Variants in NAALADL2 observed in about 807,000 individuals in gnomAD.
NAALADL2 encodes inactive N-acetylated-alpha-linked acidic dipeptidase-like protein 2.
A neutral mutation model predicts 87.2 loss-of-function variants in NAALADL2; 76 were observed. That is an observed-to-expected ratio of 0.87 (90% CI 0.72 to 1.05). NAALADL2 has a LOEUF of 1.05. Ranked by LOEUF, NAALADL2 falls within the 50% of genes least tolerant of loss-of-function variation. The probability of loss-of-function intolerance (pLI) is 0.00; values close to 1 mark genes in which losing one functional copy is unlikely to be tolerated. For missense variants in NAALADL2, 1,089 were observed against 945.8 expected, an observed-to-expected ratio of 1.15 and a Z score of -1.99; for synonymous variants, 354 against 331.0, an observed-to-expected ratio of 1.07 and a Z score of -0.75.
intron 3 of NAALADL2, among the ~76,000 whole-genome samples, chr3:174,741,570 G>A (rs1733763708): frequency 6.6e-6 from 1 of 151,332 alleles, no homozygotes; most frequent in Admixed American, 6.6e-5. Flanking sequence ...GGACAAGCTT[G>A]TAGCGGTTTT....
intron 3 of NAALADL2, among the ~76,000 whole-genome samples, chr3:174,845,887 G>A (rs1318939214): frequency 6.6e-6 from 1 of 152,178 alleles, no homozygotes; most frequent in Admixed American, 6.5e-5. Flanking sequence ...AGGAATGGAC[G>A]AGGTTGGTGG....
intron 1 of NAALADL2, among the ~76,000 whole-genome samples, chr3:175,046,741 G>T (rs1247673985): frequency 6.6e-6 from 1 of 152,162 alleles, no homozygotes; most frequent in African/African-American, 2.4e-5. Flanking sequence ...AAGAACAACA[G>T]CCAGCTTTGT....
chr3:174,989,721 C>T (rs565402956), intron 1 of NAALADL2, among the ~76,000 whole-genome samples: 2 of 152,146 alleles, frequency 1.3e-5, no homozygotes, highest in African/African-American at 4.8e-5. Context: ...CTGAAAGAGG[C>T]AGTGCAGTAA....
intron 1 of NAALADL2, among the ~76,000 whole-genome samples, chr3:174,956,253 G>T (rs562384875): frequency 3.9e-5 from 6 of 152,110 alleles, no homozygotes; most frequent in Admixed American, 2.6e-4. Context: ...AAGTAATTTT[G>T]TCATGGTAAT....
Position 174,637,953 on chromosome 3 carries a change from T to C in NAALADL2, c.-115+87316T>C, listed in dbSNP as rs538259878. On this transcript the variant is annotated intron_variant, in intron 2 of 3. Coordinates refer to the NAALADL2 transcript ENST00000434257. ...AGAAATAATCAAAATGGGTAATCTA[T>C]CCTTGCATTTCTAAATATTCAAAGT... is the stretch of plus-strand genomic sequence containing the variant. Among the ~76,000 whole-genome samples the C allele has an allele frequency of 3.7e-4, 57 of 152,254 alleles. No individual in the cohort carries two copies. In the South Asian group the frequency reaches 0.011, roughly 29 times the overall value.
At chr3:175,186,172 C>T (rs969450139) in intron 2 of NAALADL2, among the ~76,000 whole-genome samples, 17 of 152,180 alleles carry the variant, frequency 1.1e-4, no homozygotes, top group African/African-American at 4.1e-4. Flanking sequence ...AAGAGATGAA[C>T]TCAGGGAACT....
intron 2 of NAALADL2, among the ~76,000 whole-genome samples, chr3:174,639,801 G>A (rs761766635): frequency 6.6e-6 from 1 of 152,098 alleles, no homozygotes; most frequent in African/African-American, 2.4e-5. Context: ...TGTAATTTCT[G>A]CTAAATCTTG....
At chr3:175,595,951 T>C (rs1003411421) in intron 10 of NAALADL2, among the ~76,000 whole-genome samples, 3 of 151,972 alleles carry the variant, frequency 2.0e-5, no homozygotes, top group African/African-American at 7.2e-5. Flanking sequence ...TAAGTTATTC[T>C]TCTATTCATG....
intron 1 of NAALADL2, among the ~76,000 whole-genome samples, chr3:174,925,589 T>G (rs1735895472): frequency 6.6e-6 from 1 of 152,200 alleles, no homozygotes; most frequent in Non-Finnish European, 1.5e-5. Context: ...TTAAAGTAGT[T>G]TTTTCCAATT....
intron 2 of NAALADL2, among the ~76,000 whole-genome samples, chr3:175,140,296 A>G (rs1175049492): frequency 6.6e-6 from 1 of 152,164 alleles, no homozygotes; most frequent in Non-Finnish European, 1.5e-5. Context: ...AACACTGAGT[A>G]CCCATTAGAT....
rs143500126 is a variant in NAALADL2 at position 174,694,073 on chromosome 3, G to T, written c.-114-43568G>T. ...ACACCTCTGCAAATTGGTTATCTTT[G>T]CAAGACCTTCAGACCCTTTCCCTTT... On this transcript the variant is annotated intron_variant, in intron 2 of 3. Coordinates refer to the NAALADL2 transcript ENST00000434257. Among the ~76,000 whole-genome samples, 494 of 152,194 alleles carry T rather than the reference G, an allele frequency of 3.2e-3. 3 individuals carry two copies. The highest frequency in any genetic ancestry group is 0.027 in the Admixed American group (412 of 15,294).
intron 1 of NAALADL2, among the ~76,000 whole-genome samples, chr3:174,502,793 G>A (rs539029171): frequency 6.6e-6 from 1 of 152,214 alleles, no homozygotes; most frequent in South Asian, 2.1e-4. Flanking sequence ...CAATTTGGGA[G>A]GCCGAGGTGG....
intron 3 of NAALADL2, among the ~76,000 whole-genome samples, chr3:175,236,287 C>T (rs1225856318): frequency 2.0e-5 from 3 of 152,082 alleles, no homozygotes; most frequent in African/African-American, 4.8e-5. Flanking sequence ...TTTGGGGAGG[C>T]CGTAATCCCA....
At chr3:174,505,864 A>G (rs1310227914) in intron 1 of NAALADL2, among the ~76,000 whole-genome samples, 1 of 152,204 alleles carries the variant, frequency 6.6e-6, no homozygotes, top group East Asian at 1.9e-4. Flanking sequence ...CTTTTTTATT[A>G]CACGTAAATA....
chr3:175,515,458 G>A (rs1297279324), intron 9 of NAALADL2, among the ~76,000 whole-genome samples: 1 of 151,946 alleles, frequency 6.6e-6, no homozygotes, highest in African/African-American at 2.4e-5. Context: ...TAGCAATTTG[G>A]TATCTAAATT....
chr3:175,526,319 C>A lies in NAALADL2; in HGVS notation c.1654-49722C>A, dbSNP rs1354476744. ...ATTTTGGTGCATGTATAGATGTTAG[C>A]TAGAACTGACCCTTATTTTACAGTT... On this transcript the variant is annotated intron_variant, in intron 9 of 13. Coordinates refer to ENST00000454872, the MANE Select transcript of NAALADL2 (RefSeq NM_207015.3). Among the ~76,000 whole-genome samples, 3 of 152,108 alleles carry A rather than the reference C, an allele frequency of 2.0e-5. No individual in the cohort carries two copies. In the East Asian group the frequency reaches 5.8e-4, roughly 29 times the overall value.
chr3:175,446,870 T>A (rs1244224653), intron 5 of NAALADL2, among the ~76,000 whole-genome samples: 2 of 152,180 alleles, frequency 1.3e-5, no homozygotes, highest in African/African-American at 4.8e-5. Flanking sequence ...TCACTGACAC[T>A]TACATATCTG....
In NAALADL2 at chr3:175,718,895, A is replaced by C. The variant is rs374940221; in HGVS notation, c.1897-18411A>C. Among the ~76,000 whole-genome samples the C allele has an allele frequency of 9.5e-4, 144 of 151,582 alleles. 1 individual carries two copies. The highest frequency in any genetic ancestry group is 1.8e-3 in the African/African-American group (74 of 40,986). On this transcript the variant is annotated intron_variant, in intron 11 of 13. Coordinates refer to ENST00000454872, the MANE Select transcript of NAALADL2 (RefSeq NM_207015.3). ...AAAACAAAAAACACCACCACCACCA[A>C]CAACAACAAAAAACAAGGATAATGT...
chr3:175,651,369 G>A (rs9862997), intron 11 of NAALADL2, among the ~76,000 whole-genome samples: 54,220 of 151,820 alleles, frequency 0.36, 13,177 homozygotes, highest in African/African-American at 0.7. Flanking sequence ...CTATGTTATG[G>A]GCTTGAATGA....
Sources: gnomAD v4.1 joint callset for allele counts (sites outside exome capture counted in the v4.1 genomes callset) on GRCh38, gnomAD v4.1.1 for gene constraint, MANE v1.5 for transcripts, NCBI Gene and HGNC (gene_info 2026-07-23, HGNC 2026-07-21) for gene names.